Variants in MICAL3 observed in about 807,000 individuals in gnomAD.
MICAL3 encodes microtubule associated monooxygenase, calponin and LIM domain containing 3.
In MICAL3, 62 loss-of-function variants were observed where a neutral mutation model predicts 207.4. The observed-to-expected ratio is 0.30, with a 90% CI of 0.24 to 0.37. The LOEUF (loss-of-function observed/expected upper bound fraction) is 0.37, where lower values mean the gene tolerates loss of function less well. Ranked by LOEUF, MICAL3 falls within the 10% of genes least tolerant of loss-of-function variation. MICAL3 has a pLI of 1.00. For missense variants in MICAL3, 2,368 were observed against 2,635.6 expected (o/e 0.90, Z 2.22); for synonymous variants, 1,077 against 1,069.3 (o/e 1.01, Z -0.14).
chr22:17,887,557 C>T, intron 13 of MICAL3, 122 bp from the exon 14 acceptor site: 1 of 622,076 alleles, frequency 1.6e-6, no homozygotes, highest in South Asian at 2.2e-5. Context: ...GGTTCACCAG[C>T]TCCAGGACAA....
At chr22:17,872,788 T>G (rs766048619) in intron 16 of MICAL3, 1 of 1,613,836 alleles carries the variant, frequency 6.2e-7, no homozygotes, top group South Asian at 1.1e-5. Context: ...TGTTCTTTCC[T>G]TTGAAGCTGA....
intron 1 of MICAL3, among the ~76,000 whole-genome samples, chr22:17,973,244 T>A (rs1307480391): frequency 6.6e-6 from 1 of 152,154 alleles, no homozygotes; most frequent in African/African-American, 2.4e-5. Context: ...TTGCCAAGCC[T>A]CACCATGGGG....
intron 1 of MICAL3, among the ~76,000 whole-genome samples, chr22:17,946,695 G>A (rs1233229235): frequency 3.9e-5 from 6 of 152,182 alleles, no homozygotes; most frequent in Admixed American, 6.5e-5. Context: ...GAAGATAGAG[G>A]AAAAGCCAAT....
intron 1 of MICAL3, chr22:18,006,016 G>A (rs1418843433): frequency 1.3e-5 from 2 of 152,182 alleles, no homozygotes; most frequent in Non-Finnish European, 2.9e-5. Flanking sequence ...CTTCTGAGTT[G>A]TTCTTTGCCA....
intron 19 of MICAL3, chr22:17,863,328 C>T: frequency 3.0e-6 from 3 of 985,374 alleles, no homozygotes; most frequent in Non-Finnish European, 3.6e-6. Context: ...GAAAATCCAT[C>T]TCTGATGAAA....
intron 1 of MICAL3, among the ~76,000 whole-genome samples, chr22:17,987,187 G>C (rs1374214486): frequency 6.6e-6 from 1 of 152,174 alleles, no homozygotes; most frequent in Admixed American, 6.5e-5. Context: ...GCTGCAGTGA[G>C]CTATGATCAT....
intron 16 of MICAL3, among the ~76,000 whole-genome samples, chr22:17,873,359 G>A (rs749905874): frequency 6.6e-6 from 1 of 152,268 alleles, no homozygotes; most frequent in Non-Finnish European, 1.5e-5. Context: ...TGTGTGGGTA[G>A]CGCACGTCGC....
chr22:17,823,155 CG>C, intron 22 of MICAL3, 95 bp from the exon 23 acceptor site: 2 of 818,790 alleles, frequency 2.4e-6, no homozygotes, highest in Non-Finnish European at 4.0e-6. Flanking sequence ...TTTCTCAGGG[CG>C]CTGCCATGCA....
At chr22:17,858,498 G>A (rs536646286) in intron 19 of MICAL3, 4 of 985,038 alleles carry the variant, frequency 4.1e-6, no homozygotes, top group East Asian at 2.3e-4. Flanking sequence ...GGCTGCTGCC[G>A]TTCAGAGCTC....
chr22:17,893,718 G>A, intron 11 of MICAL3, 90 bp downstream of exon 11: 2 of 970,964 alleles, frequency 2.1e-6, no homozygotes, highest in Non-Finnish European at 1.6e-6. Context: ...TTCGGCCACT[G>A]CCTCGGACCG....
At position 17,821,481 on chromosome 22, in the gene MICAL3, C is replaced by A; in HGVS notation, c.3477G>T (p.Arg1159=). The A allele has an allele frequency of 6.5e-7, 1 of 1,541,722 alleles. No homozygotes were observed. The highest frequency in any genetic ancestry group is 8.7e-7 in the Non-Finnish European group (1 of 1,144,882). The change falls in exon 25 of 32, where the codon CGG becomes CGT. Residue 1159 remains arginine, a synonymous_variant. Transcript: ENST00000441493. ...ACAGAAGAGCTGATTCCTGGGGAGA[C>A]CGGATGGGGCTGGTGGCTTGGGAGG... ...RGPSQATSPI[R]SPQESALLFI...
chr22:17,896,416 G>T, intron 8 of MICAL3, 55 bp from the exon 9 acceptor site: 1 of 1,104,610 alleles, frequency 9.1e-7, no homozygotes. Flanking sequence ...TTCAAAATGG[G>T]AAAAATAAAC....
At chr22:17,824,997 A>G in intron 22 of MICAL3, among the ~76,000 whole-genome samples, 1 of 152,164 alleles carries the variant, frequency 6.6e-6, no homozygotes, top group East Asian at 1.9e-4. Flanking sequence ...TGTTGGGGTG[A>G]ATCTGGGTGC....
At chr22:17,998,800 G>A (rs938898007) in intron 1 of MICAL3, among the ~76,000 whole-genome samples, 4 of 152,046 alleles carry the variant, frequency 2.6e-5, no homozygotes, top group East Asian at 1.9e-4. Flanking sequence ...TGATCCGCCC[G>A]CCTGGCCTCC....
At chr22:18,016,584 T>C (rs2146511312) in intron 1 of MICAL3, among the ~76,000 whole-genome samples, 1 of 152,316 alleles carries the variant, frequency 6.6e-6, no homozygotes. Context: ...TTCCAGAGTG[T>C]TATATAATTG....
chr22:17,818,980 T>G lies in MICAL3; in HGVS notation c.3681A>C (p.Pro1227=), dbSNP rs1921255827. The G allele has an allele frequency of 1.9e-6, 3 of 1,608,836 alleles. No homozygotes were observed. The East Asian group carries it at 6.7e-5, about 36-fold the overall frequency. The change falls in exon 26 of 32, where the codon CCA becomes CCC. Residue 1227 remains proline (P), a synonymous_variant. Transcript: ENST00000441493. ...GAGTCCTAGCTTCTGGCAGGGTCAC[T>G]GGCTGTGATCGGATGGGAGAGTGCA... ...KAVHSPIRSQ[P]VTLPEARTPV...
intron 19 of MICAL3, 166 bp downstream of exon 19, chr22:17,864,733 C>T (rs1204373691): frequency 1.2e-6 from 2 of 1,613,558 alleles, no homozygotes; most frequent in Non-Finnish European, 1.7e-6. Context: ...AAAGGGGACT[C>T]CGAACGCAAG....
At chr22:17,883,766 C>T (rs1445104224) in intron 16 of MICAL3, among the ~76,000 whole-genome samples, 1 of 152,162 alleles carries the variant, frequency 6.6e-6, no homozygotes, top group Non-Finnish European at 1.5e-5. Context: ...AGAGAAAACA[C>T]CAAGAAAATG....
At chr22:17,819,195 G>T in intron 25 of MICAL3, 66 bp from the exon 26 acceptor site, 1 of 1,407,934 alleles carries the variant, frequency 7.1e-7, no homozygotes, top group Non-Finnish European at 9.3e-7. Context: ...GCATCCTCGG[G>T]GAGCCTTCTC....
Sources: gnomAD v4.1 joint callset for allele counts (sites outside exome capture counted in the v4.1 genomes callset) on GRCh38, gnomAD v4.1.1 for gene constraint, MANE v1.5 for transcripts, NCBI Gene and HGNC (gene_info 2026-07-23, HGNC 2026-07-21) for gene names.